The following TBC1D32 variants were observed in gnomAD, a reference collection of about 807,000 sequenced individuals.
TBC1D32 encodes the protein TBC1 domain family member 32.
Under a neutral mutation model 170.3 loss-of-function variants are expected in TBC1D32, and 151 were observed. The observed-to-expected ratio is 0.89, with a 90% confidence interval of 0.78 to 1.01. TBC1D32 has a LOEUF of 1.01. TBC1D32 is among the 50% of genes least tolerant of loss of function. The probability of loss-of-function intolerance (pLI) is 0.00; values close to 1 mark genes in which losing one functional copy is unlikely to be tolerated. For missense variants in TBC1D32, 1,464 were observed against 1,457.1 expected, an observed-to-expected ratio of 1.00 and a Z score of -0.08; for synonymous variants, 498 against 488.0, an observed-to-expected ratio of 1.02 and a Z score of -0.27.
At chr6:121,115,433 C>A (rs1048916362) in intron 26 of TBC1D32, 192 bp from the exon 27 acceptor site, 1 of 420,958 alleles carries the variant, frequency 2.4e-6, no homozygotes, top group Non-Finnish European at 4.2e-6. Context: ...TTACAAATAA[C>A]TTTTTCCCAT....
intron 15 of TBC1D32, among the ~76,000 whole-genome samples, chr6:121,262,131 A>T (rs1033938307): frequency 6.6e-6 from 1 of 152,222 alleles, no homozygotes; most frequent in African/African-American, 2.4e-5. Context: ...GACTATGTAA[A>T]AAGACTGAAC....
At chr6:121,182,977 T>C (rs1788728401) in intron 22 of TBC1D32, among the ~76,000 whole-genome samples, 1 of 151,968 alleles carries the variant, frequency 6.6e-6, no homozygotes, top group African/African-American at 2.4e-5. Flanking sequence ...TAAATTTATA[T>C]AAAGATATCA....
At chr6:121,194,829 C>T (rs1790518392) in intron 22 of TBC1D32, among the ~76,000 whole-genome samples, 1 of 152,200 alleles carries the variant, frequency 6.6e-6, no homozygotes, top group African/African-American at 2.4e-5. Flanking sequence ...TGGTCCATTA[C>T]ACTGAGGACA....
At chr6:121,270,092 C>T (rs1448068320) in intron 15 of TBC1D32, among the ~76,000 whole-genome samples, 1 of 152,036 alleles carries the variant, frequency 6.6e-6, no homozygotes, top group African/African-American at 2.4e-5. Context: ...ATACCAGAAT[C>T]TCTGGGACAC....
At chr6:121,249,719 G>A (rs566603123) in intron 17 of TBC1D32, among the ~76,000 whole-genome samples, 9 of 151,674 alleles carry the variant, frequency 5.9e-5, no homozygotes, top group African/African-American at 1.7e-4. Context: ...TTTTACAACA[G>A]CTAAAAAACA....
chr6:121,183,288 T>C (rs1181389523), intron 22 of TBC1D32, among the ~76,000 whole-genome samples: 1 of 152,058 alleles, frequency 6.6e-6, no homozygotes, highest in Non-Finnish European at 1.5e-5. Flanking sequence ...CAACTATTAT[T>C]CCACTATTAT....
At chr6:121,149,438 G>C (rs1017797356) in intron 24 of TBC1D32, among the ~76,000 whole-genome samples, 5 of 152,106 alleles carry the variant, frequency 3.3e-5, no homozygotes, top group African/African-American at 9.7e-5. Flanking sequence ...CTTTGTATAA[G>C]TTATAACAAA....
intron 17 of TBC1D32, among the ~76,000 whole-genome samples, chr6:121,253,112 T>A (rs1185063940): frequency 2.0e-5 from 3 of 151,920 alleles, no homozygotes; most frequent in Non-Finnish European, 4.4e-5. Context: ...AAATGGGACA[T>A]AATTAAACTA....
intron 25 of TBC1D32, 92 bp from the exon 26 acceptor site, chr6:121,126,553 A>G: frequency 1.1e-6 from 1 of 872,786 alleles, no homozygotes; most frequent in Non-Finnish European, 1.8e-6. Flanking sequence ...GGTAAAAGTC[A>G]TCTGAACTTC....
chr6:121,096,914 T>G lies in TBC1D32; in HGVS notation c.3466-5873A>C, dbSNP rs145731540. Among the ~76,000 whole-genome samples, 138 of 152,272 alleles carry G rather than the reference T, an allele frequency of 9.1e-4. 1 individual carries two copies. Among genetic ancestry groups the G allele is most frequent in the African/African-American group, 3.0e-3 (125 of 41,550 alleles). On this transcript the variant is annotated intron_variant, in intron 30 of 31. Transcript: ENST00000398212. The stretch of plus-strand genomic sequence containing the variant: ...ACCACACATCTACAACCATCTGTTC[T>G]TTAACAAACCTGACAAAAACAAGCA...
At chr6:121,089,293 G>A (rs2128173908) in intron 31 of TBC1D32, among the ~76,000 whole-genome samples, 1 of 152,146 alleles carries the variant, frequency 6.6e-6, no homozygotes, top group South Asian at 2.1e-4. Flanking sequence ...AGAGAAGACA[G>A]ACAAAAACAC....
chr6:121,107,834 A>C lies in TBC1D32; in HGVS notation c.3325-1671T>G, dbSNP rs79299358. Among the ~76,000 whole-genome samples, 470 of 152,174 alleles carry C rather than the reference A, an allele frequency of 3.1e-3. 11 individuals carry two copies. In the East Asian group the frequency reaches 0.052, roughly 17 times the overall value. On this transcript the variant is annotated intron_variant, in intron 29 of 31. Coordinates refer to ENST00000398212, the MANE Select transcript of TBC1D32 (RefSeq NM_152730.6). ...GTCTTTTCTAGGCTACATTAGAAATACCTTTAGAGTAGGTCCATTAAGAGA... is the reference window on the plus strand; with the variant it reads ...GTCTTTTCTAGGCTACATTAGAAATCCCTTTAGAGTAGGTCCATTAAGAGA...
intron 21 of TBC1D32, among the ~76,000 whole-genome samples, chr6:121,208,986 G>A (rs1792691824): frequency 6.6e-6 from 1 of 152,054 alleles, no homozygotes; most frequent in Non-Finnish European, 1.5e-5. Flanking sequence ...GGGGAATGGA[G>A]GACTATGGAA....
chr6:121,199,646 T>A (rs1262021531), intron 22 of TBC1D32, among the ~76,000 whole-genome samples: 5 of 151,298 alleles, frequency 3.3e-5, no homozygotes, highest in Admixed American at 3.3e-4. Context: ...TATGTATATA[T>A]GTATACATGT....
intron 25 of TBC1D32, among the ~76,000 whole-genome samples, chr6:121,129,511 A>T (rs536609746): frequency 5.3e-5 from 8 of 152,328 alleles, no homozygotes; most frequent in Non-Finnish European, 1.0e-4. Flanking sequence ...TATAGTTTAT[A>T]TTGACTGATT....
intron 21 of TBC1D32, among the ~76,000 whole-genome samples, chr6:121,213,565 A>C (rs1411896292): frequency 7.1e-6 from 1 of 141,620 alleles, no homozygotes; most frequent in Non-Finnish European, 1.5e-5. Flanking sequence ...AAATAAAATA[A>C]AATACCTAGG....
At chr6:121,138,086 TA>T (rs1782341036) in intron 24 of TBC1D32, among the ~76,000 whole-genome samples, 1 of 152,100 alleles carries the variant, frequency 6.6e-6, no homozygotes, top group Admixed American at 6.5e-5. Flanking sequence ...CTTACCATAA[TA>T]AGCAAGGAAA....
intron 22 of TBC1D32, among the ~76,000 whole-genome samples, chr6:121,204,209 C>T (rs900506675): frequency 9.3e-5 from 14 of 151,286 alleles, no homozygotes; most frequent in African/African-American, 2.7e-4. Flanking sequence ...ATAAAGGGCA[C>T]GCCACCCAAA....
intron 15 of TBC1D32, among the ~76,000 whole-genome samples, chr6:121,267,480 G>A (rs1800691433): frequency 6.6e-6 from 1 of 152,176 alleles, no homozygotes; most frequent in African/African-American, 2.4e-5. Context: ...TCCTGCACCT[G>A]GCTTGGAGGG....
Sources: gnomAD v4.1 joint callset for allele counts (sites outside exome capture counted in the v4.1 genomes callset) on GRCh38, gnomAD v4.1.1 for gene constraint, MANE v1.5 for transcripts, NCBI Gene and HGNC (gene_info 2026-07-23, HGNC 2026-07-21) for gene names.